The following C1orf167 variants were observed in gnomAD, a reference collection of about 807,000 sequenced individuals.
C1orf167 encodes the protein chromosome 1 open reading frame 167.
C1orf167 carries 153 observed loss-of-function variants against 176.5 expected under a neutral mutation model. The observed-to-expected ratio is 0.87, with a 90% CI of 0.76 to 0.99. The LOEUF is 0.99. Ranked by LOEUF, C1orf167 falls within the 50% of genes least tolerant of loss-of-function variation. C1orf167 has a pLI of 0.00. For synonymous variants in C1orf167, 594 were observed against 752.7 expected (o/e 0.79, Z 3.45); for missense variants, 1,490 against 1,817.7 (o/e 0.82, Z 3.28).
intron 1 of C1orf167, among the ~76,000 whole-genome samples, chr1:11,762,879 A>G (rs1351078010): frequency 1.3e-5 from 2 of 152,172 alleles, no homozygotes; most frequent in Non-Finnish European, 2.9e-5. Context: ...AAATACACTA[A>G]TTTCTTCACT....
rs1389963370 is a variant in C1orf167, at chr1:11,785,170, T to C, written c.3448T>C (p.Ser1150Pro). 1 of 1,291,340 alleles carries C rather than the reference T, an allele frequency of 7.7e-7. No homozygotes were observed. Among genetic ancestry groups the C allele is most frequent in the South Asian group, 1.2e-5 (1 of 80,968 alleles). The allele number at this position is 1,291,340 out of a possible 1,614,324, so 80.0% of individuals were successfully genotyped here. A position where few individuals can be genotyped will look rare whatever the true frequency, so the allele number is the denominator to read the frequency against. The change falls in exon 16 of 21, where the codon TCG becomes CCG. Residue 1150 changes from serine to proline, a missense_variant. Physicochemically the swap from Ser to Pro is moderately conservative, Grantham distance 74. Transcript: ENST00000688073. ...RAWVLEASVQ[S>P]AVRGGVQRAI... ...CAGGGTCCTAGAGGCCTCGGTGCAG[T>C]CGGCGGTGCGCGGCGGTGTCCAGCG...
chr1:11,768,288 C>T lies in C1orf167; in HGVS notation c.1542+13C>T, dbSNP rs562499409. 5.7e-5 allele frequency: 73 copies of T among 1,289,422 alleles called. 4 individuals are homozygous for T. The South Asian group carries it at 9.0e-4, about 16-fold the overall frequency. The allele number at this position is 1,289,422 out of a possible 1,614,324, so 79.9% of individuals were successfully genotyped here. On this transcript the variant is annotated intron_variant, in intron 5 of 20. Transcript: ENST00000688073. The surrounding 1 kb of genome is among the most constrained non-coding windows in gnomAD (Gnocchi z 4.5). ...GAGCTTCCGAGAGGTCAGCGGTCTCCAGGTTGGGCCAGGGGGCCGTGTGAA... is the reference window on the plus strand; with the variant it reads ...GAGCTTCCGAGAGGTCAGCGGTCTCTAGGTTGGGCCAGGGGGCCGTGTGAA...
Position 11,785,255 on chromosome 1 carries a change from T to C in C1orf167, c.3533T>C (p.Leu1178Pro). 1 of 1,289,666 alleles carries C rather than the reference T, an allele frequency of 7.8e-7. No individual in the cohort carries two copies. Among genetic ancestry groups the C allele is most frequent in the Non-Finnish European group, 1.0e-6 (1 of 987,602 alleles). 79.9% of individuals were successfully genotyped at this position (1,289,666 alleles called of 1,614,324 possible). ...ELRRFLRTVQ[L>P]RVRLGLPGAG... is the part of the protein sequence containing the mutation. ...AGGCGCTTCCTGCGGACAGTGCAGC[T>C]CAGGGTGCGGCTGGGACTGCCAGGG... The change falls in exon 16 of 21, where the codon CTC becomes CCC. Residue 1178 changes from leucine to proline, a missense_variant. Physicochemically the swap from Leu to Pro is moderately conservative, Grantham distance 98. Coordinates refer to ENST00000688073, the MANE Select transcript of C1orf167 (RefSeq NM_001010881.2).
In C1orf167 at chr1:11,771,482, C is replaced by T. The variant is rs1643075059; in HGVS notation, c.1698-42C>T. 3 of 1,249,836 alleles carry T rather than the reference C, an allele frequency of 2.4e-6. No homozygotes were observed. In the African/African-American group the frequency reaches 4.6e-5, roughly 19 times the overall value. The allele number at this position is 1,249,836 out of a possible 1,614,324, so 77.4% of individuals were successfully genotyped here. ...GACAGGTTGGGACCGAGTGCCCTTC[C>T]TCCCGGGTCATCAGCTTCTCTCTGG... On this transcript the variant is annotated intron_variant, in intron 6 of 20. Coordinates refer to ENST00000688073, the MANE Select transcript of C1orf167 (RefSeq NM_001010881.2).
intron 8 of C1orf167, among the ~76,000 whole-genome samples, chr1:11,772,828 A>G (rs1396359735): frequency 6.6e-6 from 1 of 152,118 alleles, no homozygotes; most frequent in Non-Finnish European, 1.5e-5. Flanking sequence ...AGTGTTGTGA[A>G]GAGAAGGAAC....
intron 16 of C1orf167, chr1:11,786,328 T>C (rs1570442115): frequency 2.0e-5 from 3 of 152,142 alleles, no homozygotes; most frequent in Non-Finnish European, 4.4e-5. Context: ...GCAGGTGAGG[T>C]AGTGTCCCTA....
intron 20 of C1orf167, 125 bp downstream of exon 20, chr1:11,788,871 T>C (rs1289473569): frequency 2.7e-6 from 2 of 735,388 alleles, no homozygotes; most frequent in African/African-American, 3.7e-5. Flanking sequence ...CCCTTCGTTT[T>C]CAGGGGAGGG....
rs1287038114 is a variant in C1orf167 at position 11,771,601 on chromosome 1, A to G, written c.1775A>G (p.Glu592Gly). 1.6e-6 allele frequency: 2 copies of G among 1,289,848 alleles called. No individual in the cohort carries two copies. The highest frequency in any genetic ancestry group is 4.6e-5 in the Admixed American group (2 of 43,572). 79.9% of individuals were successfully genotyped at this position (1,289,848 alleles called of 1,614,324 possible). ...AGGCAGAGAACAGACAGCAGACACG[A>G]GAGAGTCCAGATCCTGCAGGCCCTG... The part of the protein sequence containing the change: ...HPRQRTDSRH[E>G]RVQILQALQL... The change falls in exon 7 of 21, where the codon GAG (glutamate) becomes GGG (glycine). Residue 592 changes from glutamate to glycine, a missense_variant. By Grantham distance (98) the Glu-to-Gly change is moderately conservative (BLOSUM62 -2). Coordinates refer to ENST00000688073, the MANE Select transcript of C1orf167 (RefSeq NM_001010881.2).
At position 11,772,202 on chromosome 1, in the gene C1orf167, C is replaced by G. The variant is rs1024189561; in HGVS notation, c.1931C>G (p.Ala644Gly). 3.1e-6 allele frequency: 4 copies of G among 1,304,306 alleles called. No homozygotes were observed. The highest frequency in any genetic ancestry group is 4.0e-6 in the Non-Finnish European group (4 of 988,928). 80.8% of individuals were successfully genotyped at this position (1,304,306 alleles called of 1,614,324 possible). The change falls in exon 8 of 21, where the codon GCA (alanine) becomes GGA (glycine). Residue 644 changes from alanine (A) to glycine (G), a missense_variant. Transcript: ENST00000688073. ...SFPQAWHSTA[A>G]GVAWVAPLSP... ...CCCCAGGCCTGGCACTCTACTGCTGCAGGTGTAGCCTGGGTGGCCCCACTG... is the reference window on the plus strand; with the variant it reads ...CCCCAGGCCTGGCACTCTACTGCTGGAGGTGTAGCCTGGGTGGCCCCACTG...
chr1:11,765,182 G>C (rs1489976272), intron 2 of C1orf167, among the ~76,000 whole-genome samples: 1 of 151,808 alleles, frequency 6.6e-6, no homozygotes, highest in African/African-American at 2.4e-5. Context: ...GTGTGACCAT[G>C]AGGCAAGTTG....
chr1:11,765,069 A>AAG (rs1642723700), intron 2 of C1orf167, among the ~76,000 whole-genome samples: 1 of 150,976 alleles, frequency 6.6e-6, no homozygotes, highest in Admixed American at 6.6e-5. Flanking sequence ...AAAAAAAAAA[A>AAG]AAAAAAAAGA....
intron 6 of C1orf167, among the ~76,000 whole-genome samples, chr1:11,770,548 A>G (rs962587099): frequency 6.8e-6 from 1 of 147,864 alleles, no homozygotes; most frequent in African/African-American, 2.5e-5. Flanking sequence ...GGTTCAAGCG[A>G]TTCTCCCGCC....
At chr1:11,770,027 C>G (rs1038444656) in intron 6 of C1orf167, among the ~76,000 whole-genome samples, 3 of 151,936 alleles carry the variant, frequency 2.0e-5, no homozygotes, top group Admixed American at 1.3e-4. Flanking sequence ...AAAAATATTC[C>G]AAATAGTTGG....
At position 11,787,992 on chromosome 1, in the gene C1orf167, A is replaced by G. The variant is rs1643938898; in HGVS notation, c.3793A>G (p.Ser1265Gly). ...TRDQGPRAHSSPEPRACKAQS... is the reference protein window; with the variant it reads ...TRDQGPRAHSGPEPRACKAQS... Reference sequence around the variant, plus strand: ...GGACCAGGGACCAAGAGCGCACTCCAGCCCTGAGCCCAGAGCCTGCAAAGC... The same window carrying G: ...GGACCAGGGACCAAGAGCGCACTCCGGCCCTGAGCCCAGAGCCTGCAAAGC... The change falls in exon 18 of 21, where the codon AGC becomes GGC. Residue 1265 changes from serine to glycine, a missense_variant. Coordinates refer to ENST00000688073, the MANE Select transcript of C1orf167 (RefSeq NM_001010881.2). 7.7e-7 allele frequency: 1 copy of G among 1,303,932 alleles called. No individual in the cohort carries two copies. Among genetic ancestry groups the G allele is most frequent in the Non-Finnish European group, 1.0e-6 (1 of 988,830 alleles). 80.8% of individuals were successfully genotyped at this position (1,303,932 alleles called of 1,614,324 possible). A position where few individuals can be genotyped will look rare whatever the true frequency, so the allele number is the denominator to read the frequency against.
intron 10 of C1orf167, chr1:11,777,000 C>A: frequency 6.5e-6 from 1 of 154,966 alleles, no homozygotes; most frequent in Non-Finnish European, 1.4e-5. Flanking sequence ...TCGCCGTCAC[C>A]GCTGGCTCCC....
Position 11,762,224 on chromosome 1 carries a change from T to G in C1orf167, c.-152T>G, listed in dbSNP as rs1023008863. The G allele has an allele frequency of 2.2e-6, 1 of 446,432 alleles. No homozygotes were observed. Among genetic ancestry groups the G allele is most frequent in the Non-Finnish European group, 4.5e-6 (1 of 220,046 alleles). The allele number at this position is 446,432 out of a possible 1,614,324, so 27.7% of individuals were successfully genotyped here. ...CCCTCCCGCCCGCGACCTGCCGACC[T>G]GCGGGGATCGTTAGCGGTCCCAGCC... On this transcript the variant is annotated 5_prime_UTR_variant, in exon 1 of 21. Transcript: ENST00000688073.
In C1orf167 at chr1:11,784,242, A is replaced by G; in HGVS notation, c.3074A>G (p.Gln1025Arg). The G allele has an allele frequency of 7.7e-7, 1 of 1,295,878 alleles. No individual in the cohort carries two copies. Among genetic ancestry groups the G allele is most frequent in the Non-Finnish European group, 1.0e-6 (1 of 984,428 alleles). 80.3% of individuals were successfully genotyped at this position (1,295,878 alleles called of 1,614,324 possible). Residue 1025 changes from glutamine (Q) to arginine (R), a missense_variant, in exon 15 of 21, where the codon CAG becomes CGG. Coordinates refer to ENST00000688073, the MANE Select transcript of C1orf167 (RefSeq NM_001010881.2). ...GVLRAQHQAFQDGLRRRALGA... is the reference protein window; with the variant it reads ...GVLRAQHQAFRDGLRRRALGA... ...CTCCGGGCCCAGCATCAAGCCTTTC[A>G]GGATGGCCTGAGGAGAAGAGCACTG... is the stretch of plus-strand genomic sequence containing the variant.
At position 11,768,148 on chromosome 1, in the gene C1orf167, C is replaced by A. The variant is rs754232751; in HGVS notation, c.1415C>A (p.Ala472Glu). 1 of 1,287,852 alleles carries A rather than the reference C, an allele frequency of 7.8e-7. No individual in the cohort carries two copies. The highest frequency in any genetic ancestry group is 1.0e-6 in the Non-Finnish European group (1 of 987,270). The allele number at this position is 1,287,852 out of a possible 1,614,324, so 79.8% of individuals were successfully genotyped here. The change falls in exon 5 of 21, where the codon GCG (alanine) becomes GAG (glutamate). Residue 472 changes from alanine (A) to glutamate (E), a missense_variant. Coordinates refer to ENST00000688073, the MANE Select transcript of C1orf167 (RefSeq NM_001010881.2). This position sits in a 1 kb window ranked among gnomAD's most constrained non-coding sequence, Gnocchi z 4.5. ...AAGAGGCAGCGGGAGCCAGCGGCGG[C>A]GGCAGTGGCACTGGGCCGCTGGCAG... ...LVKRQREPAAAAVALGRWQLL... is the reference protein window; with the variant it reads ...LVKRQREPAAEAVALGRWQLL...
At chr1:11,780,323 A>G (rs4846045) in intron 13 of C1orf167, among the ~76,000 whole-genome samples, 85,999 of 152,060 alleles carry the variant, frequency 0.57, 25,394 homozygotes, top group East Asian at 0.77. Context: ...ACTCTTACAC[A>G]TTGTGCTATG....
Sources: allele counts gnomAD v4.1 joint callset (sites outside exome capture counted in the v4.1 genomes callset), GRCh38; gene constraint gnomAD v4.1.1; non-coding constraint Gnocchi (gnomAD v3.1); transcripts MANE v1.5; gene names NCBI Gene and HGNC (gene_info 2026-07-23, HGNC 2026-07-21).